Variants in CSMD1 observed in about 807,000 individuals in gnomAD.
The protein encoded by CSMD1 is CUB and sushi domain-containing protein 1.
CSMD1 carries 213 observed loss-of-function variants against 417.5 expected under a neutral mutation model. That is an observed-to-expected ratio of 0.51 (90% confidence interval 0.46 to 0.57). The LOEUF (loss-of-function observed/expected upper bound fraction) is 0.57. Among genes scored for constraint, CSMD1 ranks in the 20% least tolerant of loss-of-function variants. The pLI, the probability that CSMD1 is intolerant of heterozygous loss-of-function variation, is 0.00. For synonymous variants in CSMD1, 2,862 were observed against 1,736.8 expected (o/e 1.65, Z -16.11); for missense variants, 6,923 against 4,529.7 (o/e 1.53, Z -15.17).
In CSMD1 at chr8:4,574,782, T is replaced by C. The variant is rs200329564; in HGVS notation, c.302+62560A>G. Among the ~76,000 whole-genome samples, 35 of 152,330 alleles carry C rather than the reference T, an allele frequency of 2.3e-4. No homozygotes were observed. In the East Asian group the frequency reaches 6.2e-3, roughly 27 times the overall value. ...TGAAGCACAATGAAAGCAACACTCA[T>C]AGTTTCTGCATTTGCCATCCAATAT... On this transcript the variant is annotated intron_variant, in intron 2 of 69. Coordinates refer to ENST00000635120, the MANE Select transcript of CSMD1 (RefSeq NM_033225.6).
intron 3 of CSMD1, among the ~76,000 whole-genome samples, chr8:4,238,082 C>A (rs118031049): frequency 6.6e-6 from 1 of 152,104 alleles, no homozygotes; most frequent in African/African-American, 2.4e-5. Flanking sequence ...AGATTGTAAA[C>A]GTTTTAAGAT....
intron 10 of CSMD1, among the ~76,000 whole-genome samples, chr8:3,505,229 T>C (rs557464024): frequency 9.2e-5 from 14 of 152,136 alleles, no homozygotes; most frequent in Admixed American, 3.3e-4. Flanking sequence ...ATAATGGATA[T>C]AGAATAAACC....
intron 3 of CSMD1, among the ~76,000 whole-genome samples, chr8:4,151,452 A>G (rs1796565702): frequency 6.6e-6 from 1 of 152,232 alleles, no homozygotes; most frequent in Admixed American, 6.5e-5. Flanking sequence ...GCAATAAGAT[A>G]TTGAATCACC....
At chr8:3,435,538 C>T (rs1054276053) in intron 12 of CSMD1, among the ~76,000 whole-genome samples, 1 of 152,148 alleles carries the variant, frequency 6.6e-6, no homozygotes, top group Admixed American at 6.5e-5. Flanking sequence ...CTGTCCACCT[C>T]TCCGCCTGCA....
At chr8:4,594,193 ATCTTTT>A (rs1800138962) in intron 2 of CSMD1, among the ~76,000 whole-genome samples, 1 of 88,110 alleles carries the variant, frequency 1.1e-5, no homozygotes, top group Non-Finnish European at 2.4e-5. Context: ...TTCTAAAGTG[ATCTTTT>A]TTTTTTTTTT....
chr8:4,452,071 G>T (rs573189026), intron 2 of CSMD1, among the ~76,000 whole-genome samples: 1 of 152,048 alleles, frequency 6.6e-6, no homozygotes, highest in East Asian at 1.9e-4. Context: ...GGGCCAGAAT[G>T]ATCTCCTCTG....
In CSMD1 at chr8:2,973,663, G is replaced by GA. The variant is rs201860391; in HGVS notation, c.8741-365_8741-364insT. ...GGCTTTAGGTAAACAGGGAATGTGG[G>GA]GAAAAAAAAAAAAAAAGTCAAAGGA... On this transcript the variant is annotated intron_variant, in intron 56 of 69. Transcript: ENST00000635120. 6.7e-3 allele frequency among the ~76,000 whole-genome samples: 914 copies of GA among 136,876 alleles called. 5 individuals are homozygous for GA. Among genetic ancestry groups the GA allele is most frequent in the African/African-American group, 0.021 (731 of 35,290 alleles). The allele number at this position is 136,876 out of a possible 152,430, so 89.8% of individuals were successfully genotyped here. A position where few individuals can be genotyped will look rare whatever the true frequency, so the allele number is the denominator to read the frequency against.
chr8:3,819,115 G>C (rs911520726), intron 5 of CSMD1, among the ~76,000 whole-genome samples: 5 of 152,182 alleles, frequency 3.3e-5, no homozygotes, highest in East Asian at 1.9e-4. Flanking sequence ...AGGAGGAGAT[G>C]GGGGAAAGAT....
intron 1 of CSMD1, among the ~76,000 whole-genome samples, chr8:4,735,136 G>A (rs760972260): frequency 3.9e-5 from 6 of 152,174 alleles, no homozygotes. Flanking sequence ...TGGTATTCAG[G>A]ATCTTTTTAT....
intron 3 of CSMD1, among the ~76,000 whole-genome samples, chr8:4,147,247 G>A (rs1033956778): frequency 1.3e-5 from 2 of 151,954 alleles, no homozygotes; most frequent in Non-Finnish European, 2.9e-5. Context: ...TGCCTACCTC[G>A]AATCCTTCAG....
chr8:4,167,231 G>A (rs74952822), intron 3 of CSMD1, among the ~76,000 whole-genome samples: 2,919 of 152,228 alleles, frequency 0.019, 54 homozygotes, highest in African/African-American at 0.05. Flanking sequence ...TGATTTTAGG[G>A]AAGGAGTGTC....
chr8:4,217,614 C>T (rs1026534769), intron 3 of CSMD1, among the ~76,000 whole-genome samples: 3 of 150,200 alleles, frequency 2.0e-5, no homozygotes, highest in Non-Finnish European at 4.4e-5. Context: ...GGCAAGTTAT[C>T]TTTTGAGAAA....
rs1230864455 is a variant in CSMD1 at position 3,142,468 on chromosome 8, G to C, written c.6238C>G (p.Gln2080Glu). Residue 2080 changes from glutamine to glutamate, a missense_variant, in exon 41 of 70, where the codon CAA becomes GAA. Transcript: ENST00000635120. ...GGTTCTCGTTGTTGTTCCATACCTT[G>C]GTAAGCAAGTTTAAATCCTTGCCGG... ...QNRQGFKLAY[Q>E]AYELQNCPDP... 6.2e-7 allele frequency: 1 copy of C among 1,612,322 alleles called. No homozygotes were observed. Among genetic ancestry groups the C allele is most frequent in the Non-Finnish European group, 8.5e-7 (1 of 1,178,872 alleles).
intron 12 of CSMD1, among the ~76,000 whole-genome samples, chr8:3,412,599 A>C (rs1812882278): frequency 6.6e-6 from 1 of 152,188 alleles, no homozygotes; most frequent in African/African-American, 2.4e-5. Flanking sequence ...GCACACACAC[A>C]AAATGCAGAT....
intron 22 of CSMD1, among the ~76,000 whole-genome samples, chr8:3,344,779 T>C (rs192545429): frequency 4.6e-5 from 7 of 152,322 alleles, no homozygotes; most frequent in Admixed American, 4.6e-4. Flanking sequence ...TACACAGATA[T>C]AGATACTCAG....
chr8:3,448,565 G>A (rs1445137861), intron 12 of CSMD1, among the ~76,000 whole-genome samples: 1 of 152,050 alleles, frequency 6.6e-6, no homozygotes, highest in Non-Finnish European at 1.5e-5. Flanking sequence ...GTGAAGGTTT[G>A]TAGGAGTTGC....
At chr8:4,016,845 A>C (rs960493687) in intron 4 of CSMD1, among the ~76,000 whole-genome samples, 9 of 152,206 alleles carry the variant, frequency 5.9e-5, no homozygotes, top group African/African-American at 2.2e-4. Flanking sequence ...CATGTCTATC[A>C]AAGACCAAGA....
rs116701572 is a variant in CSMD1, at chr8:4,754,172, G to A, written c.86-116614C>T. 4.5e-3 allele frequency among the ~76,000 whole-genome samples: 691 copies of A among 152,190 alleles called. 7 individuals carry two copies. The highest frequency in any genetic ancestry group is 0.02 in the Middle Eastern group (6 of 294). ...ACACTTCTGATTGAGCAAAGCATGG[G>A]CTGAAACCTGTGCACTCCACCATTC... is the stretch of plus-strand genomic sequence containing the variant. On this transcript the variant is annotated intron_variant, in intron 1 of 69. Coordinates refer to ENST00000635120, the MANE Select transcript of CSMD1 (RefSeq NM_033225.6).
chr8:3,766,596 G>A (rs1285791106), intron 5 of CSMD1, among the ~76,000 whole-genome samples: 10 of 152,028 alleles, frequency 6.6e-5, no homozygotes, highest in African/African-American at 2.4e-4. Context: ...AAAAGGCAGT[G>A]TCGCCAAACA....
Sources: allele counts gnomAD v4.1 joint callset (sites outside exome capture counted in the v4.1 genomes callset), GRCh38; gene constraint gnomAD v4.1.1; transcripts MANE v1.5; gene names NCBI Gene and HGNC (gene_info 2026-07-23, HGNC 2026-07-21).